Variants in BCORL1 observed in about 807,000 individuals in gnomAD.
BCORL1 encodes BCL-6 corepressor-like protein 1.
BCORL1 carries 7 observed loss-of-function variants against 87.6 expected under a neutral mutation model. The observed-to-expected ratio is 0.08, with a 90% CI of 0.05 to 0.15. The LOEUF (loss-of-function observed/expected upper bound fraction) is 0.15. Among genes scored for constraint, BCORL1 ranks in the 10% least tolerant of loss-of-function variants. The probability of loss-of-function intolerance (pLI) is 1.00; values close to 1 mark genes in which losing one functional copy is unlikely to be tolerated. For synonymous variants in BCORL1, 591 were observed against 634.4 expected (o/e 0.93, Z 1.03); for missense variants, 1,215 against 1,499.7 (o/e 0.81, Z 3.13).
Position 130,012,050 on chromosome X carries a change from G to A in BCORL1, c.87-528G>A, listed in dbSNP as rs138034391. On this transcript the variant is annotated intron_variant, in intron 2 of 13. Coordinates refer to ENST00000540052, the MANE Select transcript of BCORL1 (RefSeq NM_001379451.1). ...GCAAGACAGGAGGTGAATAGGTGAC[G>A]ATTCAGATTTAGACCTGAAAACACA... Among the ~76,000 whole-genome samples, 44 of 112,164 alleles carry A rather than the reference G, an allele frequency of 3.9e-4. No homozygotes were observed. The East Asian group carries it at 0.011, about 28-fold the overall frequency.
In BCORL1 at chrX:130,015,881, C is replaced by T. The variant is rs565992456; in HGVS notation, c.3109C>T (p.Arg1037Cys). ...CAGCAGGAGGGGCTCCAGCACAGAGCGCCCACAGCTTGGAAGCCAGGTGGA... is the reference window on the plus strand; with the variant it reads ...CAGCAGGAGGGGCTCCAGCACAGAGTGCCCACAGCTTGGAAGCCAGGTGGA... ...PSSRRGSSTERPQLGSQVDLG... is the reference protein window; with the variant it reads ...PSSRRGSSTECPQLGSQVDLG... The change falls in exon 4 of 14, where the codon CGC becomes TGC. Residue 1037 changes from arginine to cysteine, a missense_variant. Coordinates refer to ENST00000540052, the MANE Select transcript of BCORL1 (RefSeq NM_001379451.1). The T allele has an allele frequency of 1.1e-5, 13 of 1,209,817 alleles. No individual in the cohort carries two copies. In the Admixed American group the frequency reaches 2.0e-4, roughly 18 times the overall value.
intron 1 of BCORL1, among the ~76,000 whole-genome samples, chrX:129,987,562 G>T (rs1001670640): frequency 1.8e-5 from 2 of 111,902 alleles, no homozygotes; most frequent in African/African-American, 6.5e-5. Context: ...GGCCTTGAAA[G>T]AAGGAAAAAG....
At position 130,018,029 on chromosome X, in the gene BCORL1, G is replaced by T. The variant is rs1293848045; in HGVS notation, c.3441+1816G>T. Among the ~76,000 whole-genome samples, 3 of 112,020 alleles carry T rather than the reference G, an allele frequency of 2.7e-5. No homozygotes were observed. The Admixed American group carries it at 2.8e-4, about 11-fold the overall frequency. On this transcript the variant is annotated intron_variant, in intron 4 of 13. Transcript: ENST00000540052. ...TATGCCAGTCCTTCCCAGGCAATGG[G>T]AATACCTCTTCAGGAGGGTGGTATC... is the stretch of plus-strand genomic sequence containing the variant.
intron 11 of BCORL1, among the ~76,000 whole-genome samples, chrX:130,041,776 G>A (rs1023713124): frequency 1.8e-5 from 2 of 110,956 alleles, no homozygotes; most frequent in Non-Finnish European, 3.8e-5. Flanking sequence ...ACAGGCACCC[G>A]CCACCAAGCT....
In BCORL1 at chrX:130,013,588, G is replaced by A. The variant is rs1421846849; in HGVS notation, c.816G>A (p.Ser272=). ...PPSVPTLISD[S]NPLSVSASVL... is the part of the protein sequence containing the mutation. Reference sequence around the variant, plus strand: ...CAGTGCCCACGCTCATCTCTGACTCGAACCCCCTTTCTGTTTCGGCCTCAG... The same window carrying A: ...CAGTGCCCACGCTCATCTCTGACTCAAACCCCCTTTCTGTTTCGGCCTCAG... Residue 272 remains serine (S), a synonymous_variant, in exon 4 of 14, where the codon TCG becomes TCA. Coordinates refer to ENST00000540052, the MANE Select transcript of BCORL1 (RefSeq NM_001379451.1). 12 of 1,210,697 alleles carry A rather than the reference G, an allele frequency of 9.9e-6. No homozygotes were observed. The highest frequency in any genetic ancestry group is 2.3e-4 in the Middle Eastern group (1 of 4,355).
upstream of BCORL1, among the ~76,000 whole-genome samples, chrX:129,980,469 T>C (rs1926022134): frequency 9.0e-6 from 1 of 111,285 alleles, no homozygotes; most frequent in Non-Finnish European, 1.9e-5. Flanking sequence ...TAAAGAAACT[T>C]GCTTCCCGCG....
At chrX:130,042,719 C>T (rs2124550178) in intron 11 of BCORL1, among the ~76,000 whole-genome samples, 1 of 111,802 alleles carries the variant, frequency 8.9e-6, no homozygotes, top group African/African-American at 3.2e-5. Flanking sequence ...CCCCTGTAAT[C>T]CCAGCACTTT....
chrX:130,023,056 C>T (rs1256589656), intron 6 of BCORL1, 79 bp downstream of exon 6: 1 of 888,669 alleles, frequency 1.1e-6, no homozygotes, highest in Non-Finnish European at 1.7e-6. Flanking sequence ...GCAGTTTTAC[C>T]ATGGGCCCAG....
intron 1 of BCORL1, among the ~76,000 whole-genome samples, chrX:129,990,795 A>G (rs1257433533): frequency 1.1e-4 from 12 of 112,016 alleles, no homozygotes; most frequent in African/African-American, 3.9e-4. Context: ...ACACTGCTCA[A>G]TAGTTCAGGA....
intron 11 of BCORL1, among the ~76,000 whole-genome samples, chrX:130,044,549 G>A (rs1036831868): frequency 5.6e-5 from 6 of 107,890 alleles, no homozygotes; most frequent in Admixed American, 1.0e-4. Flanking sequence ...CGATCTTGTC[G>A]CCCAGGCTGG....
chrX:130,015,274 C>A lies in BCORL1; in HGVS notation c.2502C>A (p.Ser834=). ...CCCAGGTCCTGCCTGTTGGCTGGTC[C>A]CCGTACCACCAGGCGTCTCTGCTTT... The part of the protein sequence containing the change: ...TSTQVLPVGW[S]PYHQASLLSI... The change falls in exon 4 of 14, where the codon TCC becomes TCA. Residue 834 remains serine, a synonymous_variant. Coordinates refer to ENST00000540052, the MANE Select transcript of BCORL1 (RefSeq NM_001379451.1). The A allele has an allele frequency of 8.3e-7, 1 of 1,211,821 alleles. No homozygotes were observed.
At chrX:130,033,448 A>G (rs963835598) in intron 8 of BCORL1, among the ~76,000 whole-genome samples, 1 of 112,059 alleles carries the variant, frequency 8.9e-6, no homozygotes, top group African/African-American at 3.2e-5. Flanking sequence ...TCATTATCTC[A>G]AAGACCCTGC....
At chrX:130,041,613 T>C (rs775000962) in intron 11 of BCORL1, among the ~76,000 whole-genome samples, 31 of 112,268 alleles carry the variant, frequency 2.8e-4, no homozygotes, top group African/African-American at 8.1e-4. Flanking sequence ...CCAGTCTATG[T>C]TGCAGAATTC....
chrX:129,993,888 G>A (rs1292322615), intron 1 of BCORL1, among the ~76,000 whole-genome samples: 2 of 109,507 alleles, frequency 1.8e-5, no homozygotes, highest in Non-Finnish European at 3.8e-5. Context: ...AGGTCCAAGC[G>A]ATTCTGCTGC....
In BCORL1 at chrX:130,013,637, G is replaced by A. The variant is rs1293025980; in HGVS notation, c.865G>A (p.Ala289Thr). ...AGTCTTGGTGCCTGTGCCAGCTTCT[G>A]CTCCCCCTTCAGGCCCGGTTCCCTT... is the stretch of plus-strand genomic sequence containing the variant. ...ASVLVPVPAS[A>T]PPSGPVPLSA... is the part of the protein sequence containing the mutation. Residue 289 changes from alanine to threonine, a missense_variant, in exon 4 of 14, where the codon GCT becomes ACT. This residue lies in a region of BCORL1 where 861 missense variants were observed against 1,010.0 expected (regional missense o/e 0.85). Transcript: ENST00000540052. 8.3e-7 allele frequency: 1 copy of A among 1,208,916 alleles called. No individual in the cohort carries two copies. Among genetic ancestry groups the A allele is most frequent in the African/African-American group, 1.8e-5 (1 of 56,916 alleles).
chrX:129,981,545 A>C (rs1033528800), upstream of BCORL1: 1 of 109,536 alleles, frequency 9.1e-6, no homozygotes, highest in Non-Finnish European at 1.9e-5. Context: ...TGAGGTTTGA[A>C]GATTGGGATT....
intron 13 of BCORL1, among the ~76,000 whole-genome samples, chrX:130,053,371 G>A (rs970332261): frequency 9.2e-5 from 10 of 109,247 alleles, no homozygotes; most frequent in African/African-American, 1.3e-4. Context: ...TCAAGTTTCA[G>A]GGGCTTTTGG....
chrX:130,055,131 A>G (rs1932291568), intron 13 of BCORL1, among the ~76,000 whole-genome samples: 2 of 111,552 alleles, frequency 1.8e-5, no homozygotes, highest in South Asian at 7.5e-4. Flanking sequence ...TTCCCGCATT[A>G]GTCAATGTAA....
chrX:130,021,928 C>G (rs963930807), intron 5 of BCORL1, among the ~76,000 whole-genome samples: 6 of 111,965 alleles, frequency 5.4e-5, no homozygotes, highest in Admixed American at 4.7e-4. Context: ...GCTGGGACCA[C>G]AGGCATGTGC....
Sources: allele counts gnomAD v4.1 joint callset (sites outside exome capture counted in the v4.1 genomes callset), GRCh38; gene constraint gnomAD v4.1.1; regional missense constraint gnomAD v4.1.1; transcripts MANE v1.5; gene names NCBI Gene and HGNC (gene_info 2026-07-23, HGNC 2026-07-21).